The following CCT2 variants were observed in gnomAD, a reference collection of about 807,000 sequenced individuals.
The protein encoded by CCT2 is chaperonin containing TCP1 subunit 2, also known as T-complex protein 1 subunit beta.
Under a neutral mutation model 61.8 loss-of-function variants are expected in CCT2, and 18 were observed. The observed-to-expected ratio is 0.29, with a 90% CI of 0.20 to 0.43. CCT2 has a LOEUF of 0.43. Ranked by LOEUF, CCT2 falls within the 20% of genes least tolerant of loss-of-function variation. The pLI, the probability that CCT2 is intolerant of heterozygous loss-of-function variation, is 1.00. For synonymous variants in CCT2, 248 were observed against 215.9 expected (o/e 1.15, Z -1.30); for missense variants, 556 against 656.9 (o/e 0.85, Z 1.68).
Position 69,601,462 on chromosome 12 carries a change from G to A in CCT2, c.*137G>A, listed in dbSNP as rs746247590. On this transcript the variant is annotated 3_prime_UTR_variant, in exon 16 of 16. Coordinates refer to ENST00000299300, the MANE Select transcript of CCT2 (RefSeq NM_006431.3). ...AAGTTTGGATATTTAGCTGACCTTCGCTTTAACATAGGTCTAATTTATTTG... is the reference window on the plus strand; with the variant it reads ...AAGTTTGGATATTTAGCTGACCTTCACTTTAACATAGGTCTAATTTATTTG... 34 of 1,554,506 alleles carry A rather than the reference G, an allele frequency of 2.2e-5. No individual in the cohort carries two copies. The highest frequency in any genetic ancestry group is 1.2e-4 in the South Asian group (10 of 82,962).
intron 10 of CCT2, among the ~76,000 whole-genome samples, chr12:69,594,030 G>T (rs73144539): frequency 0.093 from 14,155 of 152,040 alleles, 871 homozygotes; most frequent in Non-Finnish European, 0.14. Context: ...TAGCCACTTG[G>T]GGGGAGGCTG....
chr12:69,585,824 C>T, intron 1 of CCT2: 1 of 1,342,706 alleles, frequency 7.4e-7, no homozygotes, highest in Non-Finnish European at 9.6e-7. Context: ...GGGACCCGCT[C>T]CGCCCTCCTT....
At chr12:69,586,050 C>T (rs1189947896) in intron 1 of CCT2, 17 of 1,392,558 alleles carry the variant, frequency 1.2e-5, no homozygotes, top group Non-Finnish European at 1.5e-5. Flanking sequence ...ATTTATACTC[C>T]CGGGGGCCTT....
At chr12:69,586,654 C>G (rs80262100) in intron 2 of CCT2, 99 bp from the exon 3 acceptor site, 5 of 863,242 alleles carry the variant, frequency 5.8e-6, no homozygotes, top group Non-Finnish European at 7.2e-6. Flanking sequence ...GGCGACAGAG[C>G]GACACTCTGC....
chr12:69,586,102 C>G, intron 1 of CCT2, 168 bp from the exon 2 acceptor site: 1 of 1,193,726 alleles, frequency 8.4e-7, no homozygotes, highest in Non-Finnish European at 1.1e-6. Context: ...AAGTCCCTCT[C>G]TCCCACTTAA....
chr12:69,590,419 G>A (rs1012959461), intron 7 of CCT2, among the ~76,000 whole-genome samples: 3 of 152,164 alleles, frequency 2.0e-5, no homozygotes, highest in African/African-American at 7.2e-5. Context: ...TTCTTAAAGA[G>A]TGATAAATGA....
intron 15 of CCT2, among the ~76,000 whole-genome samples, chr12:69,600,363 ACCTACTC>A (rs1882114900): frequency 6.6e-6 from 1 of 152,204 alleles, no homozygotes; most frequent in African/African-American, 2.4e-5. Context: ...ATATAGCCAC[ACCTACTC>A]CCAGAAATCT....
intron 10 of CCT2, among the ~76,000 whole-genome samples, chr12:69,595,561 G>T (rs780108190): frequency 3.9e-5 from 6 of 152,018 alleles, no homozygotes; most frequent in African/African-American, 1.4e-4. Flanking sequence ...GGTGGTGGGT[G>T]CCTGTAGTCG....
chr12:69,590,411 C>G (rs1480770224), intron 7 of CCT2, among the ~76,000 whole-genome samples: 1 of 151,994 alleles, frequency 6.6e-6, no homozygotes, highest in Non-Finnish European at 1.5e-5. Flanking sequence ...GGATCTAGTT[C>G]TTAAAGAGTG....
At position 69,587,542 on chromosome 12, in the gene CCT2, T is replaced by C. The variant is rs775479503; in HGVS notation, c.182T>C (p.Leu61Pro). ...ILLSSGRDAS[L>P]MVTNDGATIL... is the part of the protein sequence containing the mutation. ...CTAAGCAGTGGACGAGATGCCTCTC[T>C]TATGGTAACCAATGATGGTGCCACT... Residue 61 changes from leucine (L) to proline (P), a missense_variant, in exon 4 of 16, where the codon CTT (leucine) becomes CCT (proline). Coordinates refer to ENST00000299300, the MANE Select transcript of CCT2 (RefSeq NM_006431.3). The C allele has an allele frequency of 1.9e-6, 3 of 1,613,766 alleles. No homozygotes were observed. The highest frequency in any genetic ancestry group is 4.5e-5 in the East Asian group (2 of 44,872).
chr12:69,597,788 AAT>A (rs3217625), intron 12 of CCT2, 22 bp downstream of exon 12: 319,541 of 1,588,990 alleles, frequency 0.2, 33,533 homozygotes, highest in Middle Eastern at 0.3. Context: ...GAAAATGTTG[AAT>A]ATATTTTTAA....
chr12:69,600,992 A>G (rs1882131099), intron 15 of CCT2, among the ~76,000 whole-genome samples: 1 of 152,162 alleles, frequency 6.6e-6, no homozygotes, highest in African/African-American at 2.4e-5. Context: ...GGCATCACAC[A>G]GAGGAGGGGG....
At chr12:69,587,090 C>CA (rs1321588759) in intron 3 of CCT2, 1 of 363,092 alleles carries the variant, frequency 2.8e-6, no homozygotes, top group African/African-American at 2.1e-5. Flanking sequence ...ATTTTATACT[C>CA]ATGTAACATA....
chr12:69,585,939 C>T, intron 1 of CCT2: 1 of 1,276,460 alleles, frequency 7.8e-7, no homozygotes, highest in Non-Finnish European at 9.9e-7. Flanking sequence ...GCCCGCCCGG[C>T]AGGCGTCACC....
At position 69,597,215 on chromosome 12, in the gene CCT2, C is replaced by G. The variant is rs746407251; in HGVS notation, c.1042C>G (p.Leu348Val). The G allele has an allele frequency of 2.5e-6, 4 of 1,613,888 alleles. No individual in the cohort carries two copies. Among genetic ancestry groups the G allele is most frequent in the Non-Finnish European group, 3.4e-6 (4 of 1,179,930 alleles). The change falls in exon 11 of 16, where the codon CTT (leucine) becomes GTT (valine). Residue 348 changes from leucine (L) to valine (V), a missense_variant. Around this residue, in one of 3 missense-constraint regions of CCT2, gnomAD observed 225 missense variants for 249.8 expected, o/e 0.90. Coordinates refer to ENST00000299300, the MANE Select transcript of CCT2 (RefSeq NM_006431.3). ...ACTGGTGAAGCTTGGAAGTTGCAAA[C>G]TTATCGAGGAAGTCATGATTGGAGA... ...PELVKLGSCK[L>V]IEEVMIGEDK...
chr12:69,601,336 G>A lies in CCT2; in HGVS notation c.*11G>A, dbSNP rs202070849. 8.7e-6 allele frequency: 14 copies of A among 1,613,636 alleles called. No individual in the cohort carries two copies. The highest frequency in any genetic ancestry group is 4.4e-5 in the South Asian group (4 of 90,980). On this transcript the variant is annotated 3_prime_UTR_variant, in exon 16 of 16. Coordinates refer to ENST00000299300, the MANE Select transcript of CCT2 (RefSeq NM_006431.3). ...CACCACCCCTGTTAAGCATTCCCAC[G>A]TGCTGTCGATCTTTGGACCAGTTTC...
At chr12:69,586,483 C>G (rs1470115704) in intron 2 of CCT2, 139 bp downstream of exon 2, 1 of 674,028 alleles carries the variant, frequency 1.5e-6, no homozygotes, top group African/African-American at 1.8e-5. Flanking sequence ...GCCTGGCCAA[C>G]ATGGTAAAAC....
intron 15 of CCT2, among the ~76,000 whole-genome samples, chr12:69,600,420 G>A (rs1031368247): frequency 3.9e-5 from 6 of 152,160 alleles, no homozygotes; most frequent in Non-Finnish European, 5.9e-5. Context: ...TTGAAATAAC[G>A]CTTAAAAAAT....
At chr12:69,592,193 C>T in intron 8 of CCT2, 34 bp downstream of exon 8, 1 of 1,262,784 alleles carries the variant, frequency 7.9e-7, no homozygotes, top group Non-Finnish European at 1.1e-6. Context: ...ATTAAAATTA[C>T]TGCCCAGGCA....
Sources: gnomAD v4.1 joint callset for allele counts (sites outside exome capture counted in the v4.1 genomes callset) on GRCh38, gnomAD v4.1.1 for gene constraint, gnomAD v4.1.1 regional missense constraint, MANE v1.5 for transcripts, NCBI Gene and HGNC (gene_info 2026-07-23, HGNC 2026-07-21) for gene names.